TAAR5: variants seen among roughly 807,000 people sequenced by gnomAD.
The protein encoded by TAAR5 is trace amine-associated receptor 5.
TAAR5 carries 27 observed loss-of-function variants against 21.1 expected under a neutral mutation model. That is an observed-to-expected ratio of 1.28 (90% confidence interval 0.94 to 1.76). TAAR5 has a LOEUF of 1.76. Among genes scored for constraint, TAAR5 ranks in the 40% most tolerant of loss-of-function variants. The probability of loss-of-function intolerance (pLI) is 0.00; values close to 1 mark genes in which losing one functional copy is unlikely to be tolerated. For missense variants in TAAR5, 495 were observed against 405.6 expected (o/e 1.22, Z -1.89); for synonymous variants, 203 against 167.5 (o/e 1.21, Z -1.64).
upstream of TAAR5, chr6:132,589,742 CAAAAAAAAAAAAA>C (rs567338856): frequency 0.041 from 2,464 of 60,402 alleles, 19 homozygotes; most frequent in Middle Eastern, 0.071. Flanking sequence ...CACTGGAGGG[CAAAAAAAAAAAAA>C]AAAAAAAAAA....
chr6:132,589,799 A>AGTG (rs1015595371), upstream of TAAR5: 15 of 874,368 alleles, frequency 1.7e-5, no homozygotes, highest in African/African-American at 3.5e-5. Flanking sequence ...ATAATCACAG[A>AGTG]GTGAAACGAA....
chr6:132,598,925 G>A, the TAAR5 span, among the ~76,000 whole-genome samples: 1,503 of 151,146 alleles, frequency 9.9e-3, 23 homozygotes, highest in African/African-American at 0.034. Context: ...CCCATGCTCC[G>A]TCCACTTATT....
At chr6:132,610,721 C>T in the TAAR5 span, among the ~76,000 whole-genome samples, 1 of 152,106 alleles carries the variant, frequency 6.6e-6, no homozygotes. Context: ...CATGTGACTC[C>T]CTTGTTTCTC....
At chr6:132,615,558 C>T in the TAAR5 span, among the ~76,000 whole-genome samples, 3 of 151,912 alleles carry the variant, frequency 2.0e-5, no homozygotes, top group East Asian at 3.9e-4. Flanking sequence ...TCAGTTTTCA[C>T]ATCTGTAACT....
the TAAR5 span, among the ~76,000 whole-genome samples, chr6:132,604,132 TC>T: frequency 7.1e-6 from 1 of 140,838 alleles, no homozygotes; most frequent in African/African-American, 2.6e-5. Context: ...TTTTTTCTTT[TC>T]TTTTTTTCTT....
upstream of TAAR5, among the ~76,000 whole-genome samples, chr6:132,593,635 C>G (rs1349424717): frequency 6.6e-6 from 1 of 152,120 alleles, no homozygotes; most frequent in Non-Finnish European, 1.5e-5. Flanking sequence ...TTGTAAAGTT[C>G]AGTCTGGGAG....
the TAAR5 span, among the ~76,000 whole-genome samples, chr6:132,605,776 G>A: frequency 2.0e-5 from 3 of 150,224 alleles, no homozygotes; most frequent in African/African-American, 5.0e-5. Flanking sequence ...GATAAACATC[G>A]AAGTTATTTT....
chr6:132,603,225 C>A, the TAAR5 span, among the ~76,000 whole-genome samples: 1 of 150,060 alleles, frequency 6.7e-6, no homozygotes, highest in Admixed American at 6.6e-5. Flanking sequence ...TAGCTTGAAC[C>A]CAGGGAGGTC....
the TAAR5 span, among the ~76,000 whole-genome samples, chr6:132,612,299 C>T: frequency 6.6e-6 from 1 of 152,130 alleles, no homozygotes; most frequent in African/African-American, 2.4e-5. Flanking sequence ...AATAAACATA[C>T]ACATAAATTG....
At chr6:132,603,332 T>C in the TAAR5 span, among the ~76,000 whole-genome samples, 1 of 143,802 alleles carries the variant, frequency 7.0e-6, no homozygotes. Context: ...AGAAAGAAAA[T>C]TGTCAGCCAT....
the TAAR5 span, among the ~76,000 whole-genome samples, chr6:132,611,929 A>T: frequency 3.3e-5 from 5 of 152,172 alleles, no homozygotes; most frequent in African/African-American, 9.7e-5. Context: ...TAGAGTTTTG[A>T]GGCAGTATTC....
In TAAR5 at chr6:132,589,446, T is replaced by C. The variant is rs1209890501; in HGVS notation, c.241A>G (p.Met81Val). 5.6e-6 allele frequency: 9 copies of C among 1,613,738 alleles called. No individual in the cohort carries two copies. In the East Asian group the frequency reaches 1.1e-4, roughly 20 times the overall value. The change falls in exon 1 of 1, where the codon ATG becomes GTG. Residue 81 changes from methionine (M) to valine (V), a missense_variant. Met to Val is a conservative substitution (Grantham distance 21, BLOSUM62 1). Coordinates refer to ENST00000258034, the MANE Select transcript of TAAR5 (RefSeq NM_003967.3). ...GGCAGCACCAGCAGACCCAGAAACA[T>C]GTCAGCCAGGGCCAGGGAGAGCAGC... ...FLLLSLALAD[M>V]FLGLLVLPLS...
the TAAR5 span, among the ~76,000 whole-genome samples, chr6:132,600,835 AGGAG>A: frequency 1.5e-5 from 2 of 130,008 alleles, no homozygotes; most frequent in Non-Finnish European, 3.3e-5. Flanking sequence ...GAAGGAAGGA[AGGAG>A]GGAAGGAAGG....
chr6:132,608,290 C>A, the TAAR5 span: 1 of 442,582 alleles, frequency 2.3e-6, no homozygotes, highest in African/African-American at 2.0e-5. Context: ...TGAATGGGAG[C>A]TAAATATTTT....
chr6:132,610,757 T>A, the TAAR5 span, among the ~76,000 whole-genome samples: 53 of 152,302 alleles, frequency 3.5e-4, no homozygotes, highest in African/African-American at 1.3e-3. Context: ...CATCACTGAC[T>A]TCCAAAGAGG....
At chr6:132,594,362 A>G (rs894721174), upstream of TAAR5, 2 of 152,132 alleles carry the variant, frequency 1.3e-5, no homozygotes, top group African/African-American at 4.8e-5. Context: ...CCCCACCAGA[A>G]AAGAGTCCTA....
the TAAR5 span, among the ~76,000 whole-genome samples, chr6:132,604,271 G>A: frequency 1.5e-4 from 22 of 151,128 alleles, no homozygotes; most frequent in African/African-American, 2.7e-4. Context: ...AGCCTCCTGC[G>A]TAGCTGGACT....
chr6:132,598,586 G>A, the TAAR5 span, among the ~76,000 whole-genome samples: 1 of 152,172 alleles, frequency 6.6e-6, no homozygotes, highest in Non-Finnish European at 1.5e-5. Flanking sequence ...ACTATTGTAG[G>A]TAGGCTCCTA....
At chr6:132,591,210 T>C (rs1776901270), upstream of TAAR5, among the ~76,000 whole-genome samples, 1 of 152,204 alleles carries the variant, frequency 6.6e-6, no homozygotes, top group Non-Finnish European at 1.5e-5. Flanking sequence ...AGGGATATTA[T>C]CAAGGTAAAT....
Sources: allele counts gnomAD v4.1 joint callset (sites outside exome capture counted in the v4.1 genomes callset), GRCh38; gene constraint gnomAD v4.1.1; transcripts MANE v1.5; gene names NCBI Gene and HGNC (gene_info 2026-07-23, HGNC 2026-07-21).